PSD3: variants seen among roughly 807,000 people sequenced by gnomAD.
PSD3 encodes the protein PH and SEC7 domain-containing protein 3.
PSD3 carries 49 observed loss-of-function variants against 105.5 expected under a neutral mutation model. The observed-to-expected ratio is 0.46, with a 90% confidence interval of 0.37 to 0.59. The LOEUF (loss-of-function observed/expected upper bound fraction) is 0.59, where lower values mean the gene tolerates loss of function less well. Among genes scored for constraint, PSD3 ranks in the 20% least tolerant of loss-of-function variants. PSD3 has a pLI of 0.00. For missense variants in PSD3, 1,561 were observed against 1,263.8 expected, an observed-to-expected ratio of 1.24 and a Z score of -3.57; for synonymous variants, 557 against 457.8, an observed-to-expected ratio of 1.22 and a Z score of -2.77.
At chr8:18,864,285 T>C (rs1001729996) in intron 4 of PSD3, among the ~76,000 whole-genome samples, 1 of 152,222 alleles carries the variant, frequency 6.6e-6, no homozygotes, top group African/African-American at 2.4e-5. Context: ...GTGTGACCTT[T>C]AGCAAGTTAC....
At chr8:18,642,888 A>T (rs1344766200) in intron 10 of PSD3, among the ~76,000 whole-genome samples, 1 of 152,184 alleles carries the variant, frequency 6.6e-6, no homozygotes, top group East Asian at 1.9e-4. Flanking sequence ...TGGGTGGCAA[A>T]TCTTTCCAGT....
rs1810699149 is a variant in PSD3, at chr8:18,801,631, A to T, written c.1911-249T>A. The stretch of plus-strand genomic sequence containing the variant: ...GTTCACTTGAGGTCAGGGGTTCAAA[A>T]CCAGCCTGGCCAACATGGCGAAACC... On this transcript the variant is annotated intron_variant, in intron 6 of 15. Transcript: ENST00000327040. Among the ~76,000 whole-genome samples the T allele has an allele frequency of 2.0e-5, 3 of 152,134 alleles. No homozygotes were observed. The South Asian group carries it at 6.2e-4, about 32-fold the overall frequency.
At chr8:18,860,030 T>C (rs1157405530) in intron 4 of PSD3, among the ~76,000 whole-genome samples, 1 of 152,170 alleles carries the variant, frequency 6.6e-6, no homozygotes, top group Non-Finnish European at 1.5e-5. Context: ...AGTTTAATCC[T>C]TTCTAGAATT....
intron 11 of PSD3, among the ~76,000 whole-genome samples, chr8:18,619,703 C>A (rs1253196445): frequency 2.0e-5 from 3 of 152,064 alleles, no homozygotes; most frequent in Non-Finnish European, 4.4e-5. Context: ...AAGTCACACC[C>A]TAACCATAAA....
At chr8:19,010,540 C>T (rs1826904864) in intron 1 of PSD3, among the ~76,000 whole-genome samples, 1 of 152,182 alleles carries the variant, frequency 6.6e-6, no homozygotes, top group Admixed American at 6.5e-5. Flanking sequence ...TGCAAATTAT[C>T]CTTTTTCTCC....
chr8:18,592,322 A>C (rs927402793), intron 12 of PSD3, among the ~76,000 whole-genome samples: 1 of 152,188 alleles, frequency 6.6e-6, no homozygotes, highest in Non-Finnish European at 1.5e-5. Flanking sequence ...ATTTGAAATT[A>C]TCCACTCAGA....
chr8:18,804,937 C>A, intron 4 of PSD3, 39 bp from the exon 5 acceptor site: 2 of 1,487,284 alleles, frequency 1.3e-6, no homozygotes, highest in South Asian at 2.5e-5. Context: ...ATAGATTTTT[C>A]TTATATGGCA....
At chr8:18,620,925 C>T (rs984456269) in intron 11 of PSD3, among the ~76,000 whole-genome samples, 14 of 152,192 alleles carry the variant, frequency 9.2e-5, no homozygotes, top group African/African-American at 3.1e-4. Flanking sequence ...TTTCTTCTTT[C>T]TCCTAAATGT....
At chr8:18,654,566 A>T (rs1808748224) in intron 10 of PSD3, among the ~76,000 whole-genome samples, 1 of 152,216 alleles carries the variant, frequency 6.6e-6, no homozygotes, top group South Asian at 2.1e-4. Context: ...TTGATTAGGG[A>T]AATTTTAACA....
chr8:18,993,393 T>C (rs958897711), intron 1 of PSD3, among the ~76,000 whole-genome samples: 7 of 149,604 alleles, frequency 4.7e-5, no homozygotes, highest in Non-Finnish European at 1.1e-4. Flanking sequence ...AAAATAATTC[T>C]CAGAGTCTCA....
chr8:19,075,811 T>G (rs979352874), intron 1 of PSD3, among the ~76,000 whole-genome samples: 1 of 152,198 alleles, frequency 6.6e-6, no homozygotes, highest in Non-Finnish European at 1.5e-5. Context: ...CCCTAAAGGC[T>G]TATAGAAAGC....
intron 15 of PSD3, among the ~76,000 whole-genome samples, chr8:18,538,414 C>A (rs1799953336): frequency 6.6e-6 from 1 of 152,182 alleles, no homozygotes. Flanking sequence ...ATAATATCCA[C>A]AGGACATAAA....
At chr8:18,646,837 T>C (rs1242725306) in intron 10 of PSD3, among the ~76,000 whole-genome samples, 1 of 152,028 alleles carries the variant, frequency 6.6e-6, no homozygotes, top group Non-Finnish European at 1.5e-5. Flanking sequence ...GGGAACCAAA[T>C]AATGAAAGTA....
At chr8:19,038,965 G>A (rs1342657332) in intron 1 of PSD3, among the ~76,000 whole-genome samples, 2 of 152,160 alleles carry the variant, frequency 1.3e-5, no homozygotes, top group Non-Finnish European at 2.9e-5. Context: ...AGTAAATGCT[G>A]AAGTCTGGGT....
chr8:18,977,087 C>G (rs900278469), intron 1 of PSD3, among the ~76,000 whole-genome samples: 2 of 151,884 alleles, frequency 1.3e-5, no homozygotes, highest in Non-Finnish European at 2.9e-5. Context: ...TGGTGAAACC[C>G]CATTTCTACT....
At chr8:18,821,253 TTCTC>T (rs1344309824) in intron 4 of PSD3, among the ~76,000 whole-genome samples, 2 of 149,714 alleles carry the variant, frequency 1.3e-5, no homozygotes, top group Non-Finnish European at 2.9e-5. Context: ...GCTACAGAAA[TTCTC>T]TCTATTCAAC....
chr8:18,639,281 G>A (rs1343670036), intron 10 of PSD3, among the ~76,000 whole-genome samples: 3 of 151,854 alleles, frequency 2.0e-5, no homozygotes, highest in African/African-American at 7.3e-5. Context: ...TTAATTGAGA[G>A]TTTGCCTGGT....
chr8:18,912,097 G>A (rs775138926), intron 2 of PSD3, among the ~76,000 whole-genome samples: 4 of 152,120 alleles, frequency 2.6e-5, no homozygotes, highest in Admixed American at 1.3e-4. Context: ...ATATATTCTT[G>A]TTAACACATC....
chr8:18,808,269 T>C (rs1811380639), intron 4 of PSD3, among the ~76,000 whole-genome samples: 1 of 152,228 alleles, frequency 6.6e-6, no homozygotes, highest in East Asian at 1.9e-4. Context: ...AAGGATTTTC[T>C]TCTTAATTAA....
Sources: allele counts gnomAD v4.1 joint callset (sites outside exome capture counted in the v4.1 genomes callset), GRCh38; gene constraint gnomAD v4.1.1; transcripts MANE v1.5; gene names NCBI Gene and HGNC (gene_info 2026-07-23, HGNC 2026-07-21).